Variants in AFF3 observed in about 807,000 individuals in gnomAD.
AFF3 encodes ALF transcription elongation factor 3.
Under a neutral mutation model 129.7 loss-of-function variants are expected in AFF3, and 32 were observed. The ratio of observed to expected loss-of-function variants is 0.25; its 90% CI spans 0.19 to 0.33. AFF3 has a LOEUF of 0.33. Ranked by LOEUF, AFF3 falls within the 10% of genes least tolerant of loss-of-function variation. The probability of loss-of-function intolerance (pLI) is 1.00; values close to 1 mark genes in which losing one functional copy is unlikely to be tolerated. For synonymous variants in AFF3, 644 were observed against 635.4 expected, an observed-to-expected ratio of 1.01 and a Z score of -0.20; for missense variants, 1,373 against 1,592.0, an observed-to-expected ratio of 0.86 and a Z score of 2.34.
chr2:100,003,967 T>C (rs1225746988), intron 7 of AFF3, among the ~76,000 whole-genome samples: 4 of 144,184 alleles, frequency 2.8e-5, no homozygotes, highest in Non-Finnish European at 4.5e-5. Flanking sequence ...GAGGCAGAGA[T>C]TACATCTTAC....
chr2:99,646,152 G>A (rs1382155814), intron 13 of AFF3, among the ~76,000 whole-genome samples: 1 of 152,136 alleles, frequency 6.6e-6, no homozygotes, highest in Non-Finnish European at 1.5e-5. Context: ...TTTCATCATC[G>A]ATTTGTGTAT....
At chr2:99,885,383 A>G (rs1693036414) in intron 7 of AFF3, among the ~76,000 whole-genome samples, 1 of 152,218 alleles carries the variant, frequency 6.6e-6, no homozygotes, top group Admixed American at 6.5e-5. Context: ...TCACTTGTTT[A>G]AGTCTTATCC....
At chr2:100,138,611 G>A (rs1200341024) in intron 1 of AFF3, among the ~76,000 whole-genome samples, 1 of 152,104 alleles carries the variant, frequency 6.6e-6, no homozygotes, top group Non-Finnish European at 1.5e-5. Context: ...TCTTTACTGT[G>A]GTCATCATCC....
chr2:99,549,350 G>A lies in AFF3; in HGVS notation c.*2124C>T, dbSNP rs1674249220. 5.3e-6 allele frequency: 1 copy of A among 187,070 alleles called. No homozygotes were observed. Among genetic ancestry groups the A allele is most frequent in the African/African-American group, 2.3e-5 (1 of 42,772 alleles). The allele number at this position is 187,070 out of a possible 1,614,324, so 11.6% of individuals were successfully genotyped here. A position where few individuals can be genotyped will look rare whatever the true frequency, so the allele number is the denominator to read the frequency against. ...CTGTAATCACAACACTTTGGGAGGTGGAGGCGGGTAGATCACCTGAGGTCA... is the reference window on the plus strand; with the variant it reads ...CTGTAATCACAACACTTTGGGAGGTAGAGGCGGGTAGATCACCTGAGGTCA... On this transcript the variant is annotated 3_prime_UTR_variant, in exon 25 of 25. Transcript: ENST00000672756.
intron 13 of AFF3, among the ~76,000 whole-genome samples, chr2:99,647,606 C>A (rs1362640676): frequency 2.6e-5 from 4 of 151,978 alleles, no homozygotes; most frequent in African/African-American, 9.7e-5. Context: ...TGTAACAAAC[C>A]TGCATATCCT....
At chr2:99,737,086 G>T (rs894719715) in intron 10 of AFF3, among the ~76,000 whole-genome samples, 2 of 152,000 alleles carry the variant, frequency 1.3e-5, no homozygotes, top group Non-Finnish European at 2.9e-5. Context: ...AGTTTAGTGG[G>T]TACCCTACAA....
intron 4 of AFF3, among the ~76,000 whole-genome samples, chr2:100,081,235 A>C (rs1305251809): frequency 1.3e-5 from 2 of 152,110 alleles, no homozygotes; most frequent in African/African-American, 2.4e-5. Flanking sequence ...ACAAAATTAC[A>C]CTTGTACTCC....
intron 7 of AFF3, among the ~76,000 whole-genome samples, chr2:99,860,550 T>C (rs1346993227): frequency 1.8e-5 from 1 of 56,730 alleles, no homozygotes; most frequent in Non-Finnish European, 4.2e-5. Context: ...TGAGACTCTG[T>C]CTCAAAAAAC....
intron 4 of AFF3, among the ~76,000 whole-genome samples, chr2:100,042,274 C>T (rs1438113700): frequency 6.6e-6 from 1 of 152,244 alleles, no homozygotes; most frequent in African/African-American, 2.4e-5. Flanking sequence ...CCTCCGCAGC[C>T]ACCCCAGCGA....
chr2:99,631,470 A>G (rs981207143), intron 13 of AFF3, among the ~76,000 whole-genome samples: 6 of 152,198 alleles, frequency 3.9e-5, no homozygotes, highest in African/African-American at 1.4e-4. Context: ...TCATTTTCCC[A>G]AACTGAAACT....
At chr2:100,006,549 A>C in intron 7 of AFF3, 83 bp downstream of exon 7, 5 of 1,467,780 alleles carry the variant, frequency 3.4e-6, no homozygotes, top group Non-Finnish European at 4.5e-6. Flanking sequence ...GAAAAAAAAG[A>C]AACATGGAAA....
chr2:99,570,093 G>A (rs1348759310), intron 18 of AFF3, among the ~76,000 whole-genome samples: 1 of 152,180 alleles, frequency 6.6e-6, no homozygotes, highest in Non-Finnish European at 1.5e-5. Flanking sequence ...CTGAGGGCTG[G>A]AGCCGTCCAT....
intron 8 of AFF3, among the ~76,000 whole-genome samples, chr2:99,795,397 T>TG (rs920007618): frequency 2.6e-5 from 4 of 151,600 alleles, no homozygotes; most frequent in African/African-American, 7.3e-5. Context: ...GGGCAATGGC[T>TG]GGGGGGCAGG....
At chr2:99,790,356 T>C (rs760434598) in intron 8 of AFF3, among the ~76,000 whole-genome samples, 1 of 152,210 alleles carries the variant, frequency 6.6e-6, no homozygotes, top group Admixed American at 6.5e-5. Context: ...GCTTTCAACA[T>C]CTACATACAA....
intron 12 of AFF3, among the ~76,000 whole-genome samples, chr2:99,654,157 G>C (rs531662470): frequency 6.6e-6 from 1 of 152,308 alleles, no homozygotes; most frequent in Non-Finnish European, 1.5e-5. Flanking sequence ...TGGGGTTACA[G>C]GTGTGCGCCA....
At chr2:100,075,877 C>T (rs989037813) in intron 4 of AFF3, among the ~76,000 whole-genome samples, 1 of 152,020 alleles carries the variant, frequency 6.6e-6, no homozygotes, top group South Asian at 2.1e-4. Flanking sequence ...TGTCCAAATG[C>T]TTTGGGGCCC....
intron 7 of AFF3, among the ~76,000 whole-genome samples, chr2:99,864,976 A>G (rs1394584614): frequency 2.0e-5 from 3 of 152,226 alleles, no homozygotes; most frequent in Admixed American, 6.5e-5. Context: ...AGGCATTTTA[A>G]TCAGTGTCCC....
intron 7 of AFF3, among the ~76,000 whole-genome samples, chr2:99,980,394 A>T (rs1055059148): frequency 3.3e-5 from 5 of 152,238 alleles, no homozygotes; most frequent in Non-Finnish European, 5.9e-5. Context: ...GCTGGCAGTT[A>T]GAGACAGCAC....
intron 7 of AFF3, among the ~76,000 whole-genome samples, chr2:99,957,348 T>G (rs374495295): frequency 6.6e-6 from 1 of 152,220 alleles, no homozygotes; most frequent in African/African-American, 2.4e-5. Flanking sequence ...TAGGGTTGCA[T>G]GCAGAAATCA....
Sources: gnomAD v4.1 joint callset for allele counts (sites outside exome capture counted in the v4.1 genomes callset) on GRCh38, gnomAD v4.1.1 for gene constraint, MANE v1.5 for transcripts, NCBI Gene and HGNC (gene_info 2026-07-23, HGNC 2026-07-21) for gene names.